The following DCBLD1 variants were observed in gnomAD, a reference collection of about 807,000 sequenced individuals.
DCBLD1 encodes discoidin, CUB and LCCL domain-containing protein 1.
A neutral mutation model predicts 71.5 loss-of-function variants in DCBLD1; 57 were observed. The ratio of observed to expected loss-of-function variants is 0.80; its 90% CI spans 0.64 to 0.99. DCBLD1 has a LOEUF of 0.99. Ranked by LOEUF, DCBLD1 falls within the 50% of genes least tolerant of loss-of-function variation. The pLI is 0.00. For synonymous variants in DCBLD1, 380 were observed against 363.8 expected, an observed-to-expected ratio of 1.04 and a Z score of -0.51; for missense variants, 891 against 923.5, an observed-to-expected ratio of 0.96 and a Z score of 0.46.
intron 1 of DCBLD1, 36 bp downstream of exon 1, chr6:117,482,929 A>T (rs1776943852): frequency 1.7e-6 from 2 of 1,163,558 alleles, no homozygotes; most frequent in Admixed American, 4.5e-5. Context: ...GCGGGACCCG[A>T]GGCGCCAGGG....
At chr6:117,520,471 G>A (rs912239752) in intron 3 of DCBLD1, among the ~76,000 whole-genome samples, 2 of 152,096 alleles carry the variant, frequency 1.3e-5, no homozygotes, top group African/African-American at 4.8e-5. Flanking sequence ...ATTCTCTGGA[G>A]CCCTCCCCCA....
chr6:117,536,175 C>T (rs563704117), intron 6 of DCBLD1, among the ~76,000 whole-genome samples: 1 of 152,274 alleles, frequency 6.6e-6, no homozygotes, highest in East Asian at 1.9e-4. Context: ...TCTCTGTGTC[C>T]ATTATTCCCA....
chr6:117,501,981 T>C (rs573453740), intron 1 of DCBLD1, among the ~76,000 whole-genome samples: 1 of 152,292 alleles, frequency 6.6e-6, no homozygotes, highest in African/African-American at 2.4e-5. Context: ...CTTCTCACCA[T>C]AGTTCCCCCA....
intron 2 of DCBLD1, among the ~76,000 whole-genome samples, chr6:117,504,962 C>T (rs1777790208): frequency 6.6e-6 from 1 of 152,116 alleles, no homozygotes; most frequent in Admixed American, 6.5e-5. Flanking sequence ...ACCTTTGCAC[C>T]CAGAGTTGCT....
intron 2 of DCBLD1, among the ~76,000 whole-genome samples, chr6:117,504,609 T>G (rs1295118635): frequency 6.6e-6 from 1 of 152,190 alleles, no homozygotes; most frequent in Non-Finnish European, 1.5e-5. Context: ...CCGTTACGAC[T>G]GAGGTCAGAA....
At chr6:117,510,576 A>G (rs1201121374) in intron 2 of DCBLD1, among the ~76,000 whole-genome samples, 3 of 152,176 alleles carry the variant, frequency 2.0e-5, no homozygotes, top group Non-Finnish European at 4.4e-5. Flanking sequence ...ATTACGTTTT[A>G]TTCATGCTCT....
intron 9 of DCBLD1, chr6:117,540,087 A>C (rs956385460): frequency 1.7e-4 from 26 of 151,546 alleles, no homozygotes; most frequent in African/African-American, 6.2e-4. Context: ...AAAGAAAAAG[A>C]AAAAAAGAAA....
chr6:117,490,398 G>C (rs1777250848), intron 1 of DCBLD1, among the ~76,000 whole-genome samples: 1 of 152,088 alleles, frequency 6.6e-6, no homozygotes, highest in Admixed American at 6.5e-5. Context: ...TTATTTCTAA[G>C]TCATTTATTG....
chr6:117,538,103 T>G (rs944272594), intron 7 of DCBLD1, among the ~76,000 whole-genome samples: 3 of 152,236 alleles, frequency 2.0e-5, no homozygotes, highest in Admixed American at 2.0e-4. Context: ...ATTTCTTCTT[T>G]GCCTTTATTG....
intron 1 of DCBLD1, among the ~76,000 whole-genome samples, chr6:117,502,216 G>A (rs1255806525): frequency 6.6e-6 from 1 of 152,162 alleles, no homozygotes; most frequent in Non-Finnish European, 1.5e-5. Context: ...TGCCTACCAT[G>A]TAAATTTCAC....
intron 14 of DCBLD1, among the ~76,000 whole-genome samples, chr6:117,568,106 G>A (rs77216356): frequency 0.035 from 5,375 of 151,988 alleles, 129 homozygotes; most frequent in Non-Finnish European, 0.051. Context: ...GGCTGAGGTC[G>A]GAGGATCTGT....
chr6:117,538,700 G>C lies in DCBLD1; in HGVS notation c.841G>C (p.Asp281His). Residue 281 changes from aspartate (D) to histidine (H), a missense_variant, in exon 8 of 15, where the codon GAC becomes CAC. Physicochemically the swap from Asp to His is moderately conservative, Grantham distance 81 (BLOSUM62 -1). Transcript: ENST00000338728. ...ATGGCAGTCGGTCAATGAGAGTGGA[G>C]ACCAAGTTCACTGGTCTCCTGGCCA... ...SSWQSVNESG[D>H]QVHWSPGQAR... 6.2e-7 allele frequency: 1 copy of C among 1,614,126 alleles called. No homozygotes were observed.
At position 117,555,367 on chromosome 6, in the gene DCBLD1, T is replaced by G. The variant is rs113144946; in HGVS notation, c.1615+9770T>G. Among the ~76,000 whole-genome samples, 1,301 of 151,094 alleles carry G rather than the reference T, an allele frequency of 8.6e-3. 4 individuals are homozygous for G. The highest frequency in any genetic ancestry group is 0.027 in the Middle Eastern group (8 of 294). On this transcript the variant is annotated intron_variant, in intron 14 of 14. Transcript: ENST00000296955. ...GCCTTTTTCCTCTGAAAAATCAGGG[T>G]TTTTTTTTGTAGTTCTCCTGTTTCA...
downstream of DCBLD1, among the ~76,000 whole-genome samples, chr6:117,551,067 C>T (rs1482328277): frequency 6.6e-6 from 1 of 152,216 alleles, no homozygotes; most frequent in East Asian, 1.9e-4. Context: ...TACAGATCCC[C>T]TGTCTCCCAC....
chr6:117,528,593 T>C (rs1336184099), intron 5 of DCBLD1, among the ~76,000 whole-genome samples: 1 of 152,246 alleles, frequency 6.6e-6, no homozygotes, highest in Non-Finnish European at 1.5e-5. Context: ...ACTAATCTGT[T>C]TGGCCATCAT....
intron 14 of DCBLD1, chr6:117,566,769 T>G (rs762280339): frequency 1.2e-6 from 1 of 818,494 alleles, no homozygotes; most frequent in East Asian, 2.8e-5. Flanking sequence ...CAAAACAGTT[T>G]TACTGAAGAA....
At chr6:117,550,229 A>G (rs2114583137), downstream of DCBLD1, among the ~76,000 whole-genome samples, 1 of 152,234 alleles carries the variant, frequency 6.6e-6, no homozygotes, top group African/African-American at 2.4e-5. Flanking sequence ...TGATCTAATC[A>G]TGACCAGTGG....
Position 117,484,400 on chromosome 6 carries a change from G to C in DCBLD1, c.112+1507G>C, listed in dbSNP as rs1053043033. Among the ~76,000 whole-genome samples the C allele has an allele frequency of 2.0e-5, 3 of 152,170 alleles. 1 individual carries two copies. The highest frequency in any genetic ancestry group is 1.3e-4 in the Admixed American group (2 of 15,274). ...GTCTCACTCTGTCGCCCAGGCTGCA[G>C]TGCAGTGGCACGATCTCAGCTCACT... On this transcript the variant is annotated intron_variant, in intron 1 of 14. Transcript: ENST00000338728.
Position 117,536,227 on chromosome 6 carries a change from T to A in DCBLD1, c.720-958T>A, listed in dbSNP as rs76301092. On this transcript the variant is annotated intron_variant, in intron 6 of 14. Coordinates refer to ENST00000338728, the MANE Select transcript of DCBLD1 (RefSeq NM_001366458.2). ...AAACATTTAAAATAATAAGCAGCAC[T>A]CTGAGATTGTAAAATAGTTGTAAAA... Among the ~76,000 whole-genome samples the A allele has an allele frequency of 3.4e-3, 515 of 152,328 alleles. 16 individuals are homozygous for A. In the South Asian group the frequency reaches 0.061, roughly 18 times the overall value.
Sources: allele counts gnomAD v4.1 joint callset (sites outside exome capture counted in the v4.1 genomes callset), GRCh38; gene constraint gnomAD v4.1.1; transcripts MANE v1.5; gene names NCBI Gene and HGNC (gene_info 2026-07-23, HGNC 2026-07-21).